The following CSGALNACT1 variants were observed in gnomAD, a reference collection of about 807,000 sequenced individuals.
The protein encoded by CSGALNACT1 is chondroitin sulfate N-acetylgalactosaminyltransferase 1.
A neutral mutation model predicts 51.0 loss-of-function variants in CSGALNACT1; 52 were observed. That is an observed-to-expected ratio of 1.02 (90% confidence interval 0.82 to 1.29). The LOEUF (loss-of-function observed/expected upper bound fraction) is 1.29. Among genes scored for constraint, CSGALNACT1 ranks in the 50% most tolerant of loss-of-function variants. The pLI is 0.00. For synonymous variants in CSGALNACT1, 341 were observed against 254.4 expected (o/e 1.34, Z -3.24); for missense variants, 935 against 679.2 (o/e 1.38, Z -4.19).
chr8:19,512,303 G>A lies in CSGALNACT1; in HGVS notation c.-296-6173C>T, dbSNP rs568086805. Among the ~76,000 whole-genome samples the A allele has an allele frequency of 4.6e-5, 7 of 152,286 alleles. No homozygotes were observed. In the South Asian group the frequency reaches 6.2e-4, roughly 14 times the overall value. On this transcript the variant is annotated intron_variant, in intron 3 of 9. Transcript: ENST00000454498. The stretch of plus-strand genomic sequence containing the variant: ...ACCCCCTGAAAGAGCTTGAAAATGC[G>A]TTCTGCAGCTACAGGTAAGGCCTGA...
At chr8:19,659,170 C>T (rs776379408) in intron 1 of CSGALNACT1, among the ~76,000 whole-genome samples, 8 of 152,126 alleles carry the variant, frequency 5.3e-5, no homozygotes, top group Non-Finnish European at 8.8e-5. Context: ...TGTATTTTGG[C>T]CAAGTTTAAT....
At chr8:19,634,197 C>A (rs896157537) in intron 1 of CSGALNACT1, among the ~76,000 whole-genome samples, 1 of 152,202 alleles carries the variant, frequency 6.6e-6, no homozygotes, top group African/African-American at 2.4e-5. Flanking sequence ...CATAAAACGT[C>A]TGTGGCTCAA....
At chr8:19,601,620 G>C (rs1226643405) in intron 2 of CSGALNACT1, 151 bp downstream of exon 2, 6 of 282,826 alleles carry the variant, frequency 2.1e-5, no homozygotes, top group Middle Eastern at 1.3e-3. Context: ...TATTATTTTG[G>C]AAGAAGTATC....
chr8:19,654,844 C>A (rs963413390), intron 1 of CSGALNACT1, among the ~76,000 whole-genome samples: 42 of 152,080 alleles, frequency 2.8e-4, no homozygotes, highest in South Asian at 4.2e-4. Context: ...CTGTGCCCAG[C>A]CTAAGTCAGG....
chr8:19,552,614 T>C (rs1588221285), intron 3 of CSGALNACT1, among the ~76,000 whole-genome samples: 1 of 152,326 alleles, frequency 6.6e-6, no homozygotes, highest in South Asian at 2.1e-4. Flanking sequence ...AAATTAAAGA[T>C]GGACTTTTTA....
exon 9 of CSGALNACT1, chr8:19,408,625 A>C: frequency 6.2e-7 from 1 of 1,613,778 alleles, no homozygotes; most frequent in Non-Finnish European, 8.5e-7. Context: ...ATATTGATGA[A>C]GTCTGACCGA....
chr8:19,603,708 C>G (rs2050922388), upstream of CSGALNACT1, among the ~76,000 whole-genome samples: 1 of 152,200 alleles, frequency 6.6e-6, no homozygotes, highest in African/African-American at 2.4e-5. Context: ...TTTTAGCTTG[C>G]AGGCAGCAGA....
chr8:19,537,868 A>G (rs1445993777), intron 3 of CSGALNACT1, among the ~76,000 whole-genome samples: 1 of 152,250 alleles, frequency 6.6e-6, no homozygotes, highest in Non-Finnish European at 1.5e-5. Flanking sequence ...CACCAAAAGC[A>G]TAAGAACTAT....
chr8:19,435,927 ATATT>A (rs1239774399), intron 6 of CSGALNACT1, among the ~76,000 whole-genome samples: 7 of 152,192 alleles, frequency 4.6e-5, no homozygotes, highest in Non-Finnish European at 2.9e-5. Context: ...TCATGAAAGA[ATATT>A]TATCCTTACT....
At chr8:19,701,033 T>G (rs2061837078) in intron 1 of CSGALNACT1, among the ~76,000 whole-genome samples, 1 of 152,214 alleles carries the variant, frequency 6.6e-6, no homozygotes, top group South Asian at 2.1e-4. Flanking sequence ...GCAGGTGCCT[T>G]TCTGACCTTC....
At chr8:19,706,666 C>T (rs1168665520) in intron 1 of CSGALNACT1, among the ~76,000 whole-genome samples, 1 of 152,160 alleles carries the variant, frequency 6.6e-6, no homozygotes, top group Non-Finnish European at 1.5e-5. Context: ...GCAGGTCAGG[C>T]TCCTCCTTGT....
At chr8:19,741,896 C>T (rs1167987509) in intron 1 of CSGALNACT1, among the ~76,000 whole-genome samples, 3 of 152,142 alleles carry the variant, frequency 2.0e-5, no homozygotes, top group African/African-American at 4.8e-5. Context: ...AATCTTAATC[C>T]TATCAACAGG....
At chr8:19,667,018 A>G (rs2059386218) in intron 1 of CSGALNACT1, among the ~76,000 whole-genome samples, 1 of 39,654 alleles carries the variant, frequency 2.5e-5, no homozygotes, top group African/African-American at 1.4e-4. Context: ...AAAGAAAGAA[A>G]GGAAGGAAGG....
intron 8 of CSGALNACT1, among the ~76,000 whole-genome samples, chr8:19,409,891 G>A (rs2055297129): frequency 6.6e-6 from 1 of 152,084 alleles, no homozygotes; most frequent in African/African-American, 2.4e-5. Flanking sequence ...ATAAAACAAG[G>A]GGGTTAAATT....
intron 4 of CSGALNACT1, among the ~76,000 whole-genome samples, chr8:19,500,812 G>A (rs941812918): frequency 6.6e-6 from 1 of 152,140 alleles, no homozygotes; most frequent in Non-Finnish European, 1.5e-5. Flanking sequence ...CCTGGGGCTG[G>A]GTTATTTACA....
chr8:19,409,931 C>T lies in CSGALNACT1; in HGVS notation c.1228-1237G>A, dbSNP rs150942074. 5.3e-5 allele frequency among the ~76,000 whole-genome samples: 8 copies of T among 152,234 alleles called. No homozygotes were observed. In the East Asian group the frequency reaches 1.5e-3, roughly 29 times the overall value. On this transcript the variant is annotated intron_variant, in intron 8 of 9. Transcript: ENST00000454498. ...CATCCCTTAGGTGTCTTTCAGCTTT[C>T]ACATCCAAGTGTTTATCACATCTTC...
exon 4 of CSGALNACT1, chr8:19,505,395 G>C (rs200551368): frequency 1.9e-6 from 3 of 1,614,208 alleles, no homozygotes; most frequent in East Asian, 4.5e-5. Context: ...GCTATCGAAA[G>C]GCACTGCTGC....
intron 1 of CSGALNACT1, among the ~76,000 whole-genome samples, chr8:19,717,546 C>G (rs1478808603): frequency 6.6e-6 from 1 of 152,194 alleles, no homozygotes; most frequent in Non-Finnish European, 1.5e-5. Flanking sequence ...ACCACAGAAC[C>G]ATAACGAATG....
At chr8:19,652,764 C>T (rs369998164) in intron 1 of CSGALNACT1, among the ~76,000 whole-genome samples, 12 of 152,182 alleles carry the variant, frequency 7.9e-5, no homozygotes, top group African/African-American at 2.9e-4. Context: ...CTTCAGTAAT[C>T]GTCTTTGCCA....
Sources: allele counts gnomAD v4.1 joint callset (sites outside exome capture counted in the v4.1 genomes callset), GRCh38; gene constraint gnomAD v4.1.1; transcripts MANE v1.5; gene names NCBI Gene and HGNC (gene_info 2026-07-23, HGNC 2026-07-21).